Variants in ANO2 observed in about 807,000 individuals in gnomAD.
ANO2 encodes anoctamin-2.
ANO2 carries 101 observed loss-of-function variants against 124.2 expected under a neutral mutation model. The ratio of observed to expected loss-of-function variants is 0.81; its 90% confidence interval spans 0.69 to 0.96. The LOEUF is 0.96. ANO2 is among the 40% of genes least tolerant of loss of function. The pLI is 0.00. For missense variants in ANO2, 1,293 were observed against 1,274.5 expected (o/e 1.01, Z -0.22); for synonymous variants, 486 against 482.5 (o/e 1.01, Z -0.09).
chr12:5,595,374 T>G (rs1943609805), intron 20 of ANO2, among the ~76,000 whole-genome samples: 1 of 151,316 alleles, frequency 6.6e-6, no homozygotes, highest in Non-Finnish European at 1.5e-5. Context: ...CTGTTTTTTT[T>G]TCTTTTCTTT....
At chr12:5,705,362 C>T (rs12581100) in intron 14 of ANO2, among the ~76,000 whole-genome samples, 17,875 of 152,132 alleles carry the variant, frequency 0.12, 1,167 homozygotes, top group African/African-American at 0.18. Context: ...GAATGCTATC[C>T]ACTTTAAACA....
chr12:5,741,960 T>C (rs970695718), intron 12 of ANO2, among the ~76,000 whole-genome samples: 4 of 152,184 alleles, frequency 2.6e-5, no homozygotes, highest in African/African-American at 7.2e-5. Context: ...TCAGTGTCCT[T>C]AACCTCTATT....
intron 14 of ANO2, among the ~76,000 whole-genome samples, chr12:5,725,688 C>A (rs775309067): frequency 6.6e-6 from 1 of 152,024 alleles, no homozygotes; most frequent in Non-Finnish European, 1.5e-5. Flanking sequence ...GTGGTCCTGG[C>A]TCCTGGGCTC....
chr12:5,619,569 A>T (rs1056382879), intron 16 of ANO2, among the ~76,000 whole-genome samples: 25 of 152,144 alleles, frequency 1.6e-4, no homozygotes, highest in Admixed American at 1.3e-4. Flanking sequence ...GGCCAGACAG[A>T]CATGAGTGGA....
chr12:5,672,173 T>G (rs542886799), intron 14 of ANO2, among the ~76,000 whole-genome samples: 41 of 152,190 alleles, frequency 2.7e-4, no homozygotes, highest in African/African-American at 7.2e-4. Context: ...CTGCCAAGGT[T>G]TTTCACAGAG....
At chr12:5,640,998 G>A (rs1213141616) in intron 15 of ANO2, among the ~76,000 whole-genome samples, 1 of 152,176 alleles carries the variant, frequency 6.6e-6, no homozygotes, top group Admixed American at 6.5e-5. Context: ...TGATAGACTG[G>A]ATTAAGAAAA....
At chr12:5,685,631 A>G (rs930941480) in intron 14 of ANO2, among the ~76,000 whole-genome samples, 1 of 152,226 alleles carries the variant, frequency 6.6e-6, no homozygotes, top group Non-Finnish European at 1.5e-5. Context: ...AAAAAATACA[A>G]AAAGTAGCTG....
chr12:5,848,628 C>A (rs958639578), intron 4 of ANO2, among the ~76,000 whole-genome samples: 1 of 152,182 alleles, frequency 6.6e-6, no homozygotes, highest in Admixed American at 6.5e-5. Flanking sequence ...GCAACTGCAC[C>A]GCAGACCTCA....
intron 10 of ANO2, among the ~76,000 whole-genome samples, chr12:5,770,695 G>C (rs1434157907): frequency 6.6e-6 from 1 of 152,094 alleles, no homozygotes; most frequent in Non-Finnish European, 1.5e-5. Context: ...CTACACTTCT[G>C]TCAGATTCTT....
intron 3 of ANO2, among the ~76,000 whole-genome samples, chr12:5,899,822 A>G (rs1940060120): frequency 6.6e-6 from 1 of 152,150 alleles, no homozygotes; most frequent in Non-Finnish European, 1.5e-5. Flanking sequence ...GTTTATGCAC[A>G]TGGGTTTCTG....
intron 3 of ANO2, among the ~76,000 whole-genome samples, chr12:5,885,450 C>G (rs1938819884): frequency 6.6e-6 from 1 of 152,222 alleles, no homozygotes; most frequent in South Asian, 2.1e-4. Flanking sequence ...AATAATAACT[C>G]ACTTTAAATG....
intron 14 of ANO2, among the ~76,000 whole-genome samples, chr12:5,711,537 C>G (rs1949820113): frequency 6.6e-6 from 1 of 152,196 alleles, no homozygotes; most frequent in Admixed American, 6.5e-5. Context: ...AAAACTAATT[C>G]ATACAGAGGC....
At chr12:5,576,656 A>G (rs1942431574) in intron 22 of ANO2, among the ~76,000 whole-genome samples, 1 of 152,226 alleles carries the variant, frequency 6.6e-6, no homozygotes, top group Admixed American at 6.5e-5. Context: ...AGTGCTCTAT[A>G]AATGTCCATG....
chr12:5,840,329 T>C (rs1260983409), intron 4 of ANO2, among the ~76,000 whole-genome samples: 1 of 152,204 alleles, frequency 6.6e-6, no homozygotes, highest in Non-Finnish European at 1.5e-5. Context: ...CTGTCTTTTC[T>C]TACTTCTTTT....
intron 6 of ANO2, among the ~76,000 whole-genome samples, chr12:5,829,814 C>T (rs928163615): frequency 2.0e-5 from 3 of 152,180 alleles, no homozygotes; most frequent in Non-Finnish European, 2.9e-5. Context: ...AACCAATCAT[C>T]CTACAAAATT....
intron 9 of ANO2, among the ~76,000 whole-genome samples, chr12:5,802,967 C>T (rs1953085978): frequency 6.6e-6 from 1 of 152,188 alleles, no homozygotes; most frequent in Non-Finnish European, 1.5e-5. Context: ...TGACAGAGGT[C>T]ATCAATTTAA....
intron 24 of ANO2, among the ~76,000 whole-genome samples, chr12:5,565,089 G>A (rs562085990): frequency 2.0e-5 from 3 of 152,078 alleles, no homozygotes; most frequent in Non-Finnish European, 4.4e-5. Context: ...GATGGCTCTG[G>A]GGGCCCTTCT....
chr12:5,565,663 C>A lies in ANO2; in HGVS notation c.2622G>T (p.Arg874Ser). 1 of 1,587,654 alleles carries A rather than the reference C, an allele frequency of 6.3e-7. No homozygotes were observed. The highest frequency in any genetic ancestry group is 8.6e-7 in the Non-Finnish European group (1 of 1,166,968). ...ATGGCGGCTCTCGGTAATCCTTAAA[C>A]CTGCCCAAAGAGAAATGTGGTGTTA... ...SQFDQEVQFC[R>S]FKDYREPPWA... The change falls in exon 24 of 25, where the codon AGG (arginine) becomes AGT (serine). Residue 874 changes from arginine (R) to serine (S), a missense_variant and splice_region_variant. Physicochemically the swap from Arg to Ser is moderately radical, Grantham distance 110. Coordinates refer to ENST00000682330, the MANE Select transcript of ANO2 (RefSeq NM_001364791.2).
intron 16 of ANO2, among the ~76,000 whole-genome samples, chr12:5,631,435 T>C (rs1276392566): frequency 6.6e-6 from 1 of 152,210 alleles, no homozygotes; most frequent in Non-Finnish European, 1.5e-5. Context: ...CATCACACCT[T>C]CCTCAGATTC....
Sources: allele counts gnomAD v4.1 joint callset (sites outside exome capture counted in the v4.1 genomes callset), GRCh38; gene constraint gnomAD v4.1.1; transcripts MANE v1.5; gene names NCBI Gene and HGNC (gene_info 2026-07-23, HGNC 2026-07-21).